The following ANOS1 variants were observed in gnomAD, a reference collection of about 807,000 sequenced individuals.
ANOS1 encodes the protein anosmin 1.
ANOS1 carries 6 observed loss-of-function variants against 59.0 expected under a neutral mutation model. The ratio of observed to expected loss-of-function variants is 0.10; its 90% confidence interval spans 0.06 to 0.20. The LOEUF (loss-of-function observed/expected upper bound fraction) is 0.20. ANOS1 is among the 10% of genes least tolerant of loss of function. The pLI is 1.00. For synonymous variants in ANOS1, 217 were observed against 223.4 expected, an observed-to-expected ratio of 0.97 and a Z score of 0.25; for missense variants, 433 against 542.3, an observed-to-expected ratio of 0.80 and a Z score of 2.00.
chrX:8,594,509 GA>G (rs1259113578), intron 4 of ANOS1, among the ~76,000 whole-genome samples: 1 of 104,039 alleles, frequency 9.6e-6, no homozygotes, highest in African/African-American at 3.5e-5. Context: ...CTAAGATGAT[GA>G]AGGAGTTGCT....
chrX:8,679,207 C>T (rs1189343209), intron 2 of ANOS1, among the ~76,000 whole-genome samples: 3 of 111,313 alleles, frequency 2.7e-5, no homozygotes, highest in African/African-American at 9.8e-5. Flanking sequence ...ATCCTGCCAA[C>T]CTTCAGTTCA....
In ANOS1 at chrX:8,568,364, C is replaced by T. The variant is rs1298909919; in HGVS notation, c.1075G>A (p.Val359Met). The T allele has an allele frequency of 3.3e-6, 4 of 1,210,116 alleles. No homozygotes were observed. The highest frequency in any genetic ancestry group is 4.5e-6 in the Non-Finnish European group (4 of 894,213). ...RKTTDGFQNS[V>M]ILEKLQPDCD... Reference sequence around the variant, plus strand: ...TCTGGCTGGAGTTTCTCCAGGATCACAGAATTTTGAAACTAGAAATTAAGA... The same window carrying T: ...TCTGGCTGGAGTTTCTCCAGGATCATAGAATTTTGAAACTAGAAATTAAGA... The change falls in exon 8 of 14, where the codon GTG becomes ATG. Residue 359 changes from valine to methionine, a missense_variant. Transcript: ENST00000262648.
At position 8,594,658 on chromosome X, in the gene ANOS1, G is replaced by GTATATATATA. The variant is rs767812487; in HGVS notation, c.541+2366_541+2375dup. Among the ~76,000 whole-genome samples the GTATATATATA allele has an allele frequency of 7.7e-3, 259 of 33,448 alleles. 2 individuals are homozygous for GTATATATATA. The highest frequency in any genetic ancestry group is 0.024 in the East Asian group (14 of 586). 29.0% of individuals were successfully genotyped at this position (33,448 alleles called of 115,157 possible). A position where few individuals can be genotyped will look rare whatever the true frequency, so the allele number is the denominator to read the frequency against. ...AAAAAATCTACATATATATATATGT[G>GTATATATATA]TATATATATATATATATATATATAT... On this transcript the variant is annotated intron_variant, in intron 4 of 13. Transcript: ENST00000262648.
At chrX:8,592,887 A>G (rs1930646194) in intron 4 of ANOS1, among the ~76,000 whole-genome samples, 1 of 111,636 alleles carries the variant, frequency 9.0e-6, no homozygotes, top group Non-Finnish European at 1.9e-5. Flanking sequence ...ATGAAGGTTA[A>G]CTTACTTCCA....
At chrX:8,590,332 T>C (rs1405449094) in intron 4 of ANOS1, among the ~76,000 whole-genome samples, 1 of 109,850 alleles carries the variant, frequency 9.1e-6, no homozygotes, top group Non-Finnish European at 1.9e-5. Flanking sequence ...TACCATGGCC[T>C]GTTTATGGTT....
Position 8,539,822 on chromosome X carries a change from G to A in ANOS1, c.1355-64C>T, listed in dbSNP as rs1299497456. 10 of 1,193,655 alleles carry A rather than the reference G, an allele frequency of 8.4e-6. No individual in the cohort carries two copies. In the East Asian group the frequency reaches 3.0e-4, roughly 36 times the overall value. ...GATGTTACATTCCAGGTAGCCTGGG[G>A]TTCTTGAACTTGAGAGGAGAAAAGG... On this transcript the variant is annotated intron_variant, in intron 9 of 13. Transcript: ENST00000262648.
chrX:8,671,125 A>C (rs1432061231), intron 2 of ANOS1, among the ~76,000 whole-genome samples: 1 of 111,505 alleles, frequency 9.0e-6, no homozygotes, highest in East Asian at 2.8e-4. Flanking sequence ...TCCCCTCCTT[A>C]CAGCCTCTCT....
intron 3 of ANOS1, among the ~76,000 whole-genome samples, chrX:8,604,751 A>G (rs928221330): frequency 3.6e-5 from 4 of 112,450 alleles, no homozygotes; most frequent in Non-Finnish European, 7.5e-5. Context: ...CTCTGTATGT[A>G]CAAAAGATAT....
intron 1 of ANOS1, among the ~76,000 whole-genome samples, chrX:8,708,436 C>T (rs1932792312): frequency 9.0e-6 from 1 of 111,487 alleles, no homozygotes; most frequent in Admixed American, 9.5e-5. Flanking sequence ...CAAACAACCC[C>T]ATCAAAAAGT....
At chrX:8,659,229 TA>T (rs57477012) in intron 2 of ANOS1, among the ~76,000 whole-genome samples, 11,847 of 95,239 alleles carry the variant, frequency 0.12, 927 homozygotes, top group African/African-American at 0.26. Flanking sequence ...TCTGTCTCAA[TA>T]AAAAAAAAAA....
chrX:8,554,542 G>GTTTTTTTTTTTTT (rs757605733), intron 8 of ANOS1, among the ~76,000 whole-genome samples: 5 of 50,834 alleles, frequency 9.8e-5, no homozygotes, highest in Admixed American at 6.4e-4. Context: ...GGCTACAGGA[G>GTTTTTTTTTTTTT]TTTTTTTTTT....
chrX:8,623,575 CA>C lies in ANOS1; in HGVS notation c.318+32del, dbSNP rs764549917. 9.1e-6 allele frequency: 10 copies of C among 1,103,292 alleles called. No individual in the cohort carries two copies. In the South Asian group the frequency reaches 1.7e-4, roughly 18 times the overall value. 90.9% of individuals were successfully genotyped at this position (1,103,292 alleles called of 1,213,427 possible). On this transcript the variant is annotated intron_variant, in intron 3 of 13. Transcript: ENST00000262648. ...CACGTAAGCATAGTCAGATTTGGGT[CA>C]AGTGTTTTAAGTACCACTGACGTTC...
intron 5 of ANOS1, among the ~76,000 whole-genome samples, chrX:8,587,536 A>G (rs1362379169): frequency 1.8e-5 from 2 of 111,977 alleles, no homozygotes; most frequent in African/African-American, 6.5e-5. Flanking sequence ...AATACATGTG[A>G]ATAATCAGGT....
At chrX:8,565,561 A>G (rs1414526201) in intron 8 of ANOS1, among the ~76,000 whole-genome samples, 1 of 112,510 alleles carries the variant, frequency 8.9e-6, no homozygotes, top group Non-Finnish European at 1.9e-5. Context: ...TTAGGAGACT[A>G]TTTCAATTTA....
chrX:8,711,826 A>G (rs1055472049), intron 1 of ANOS1, among the ~76,000 whole-genome samples: 4 of 112,934 alleles, frequency 3.5e-5, no homozygotes, highest in Non-Finnish European at 5.6e-5. Context: ...ATTAATTTCT[A>G]CATTGTATGG....
intron 2 of ANOS1, among the ~76,000 whole-genome samples, chrX:8,696,356 A>G (rs1259009073): frequency 8.9e-6 from 1 of 112,664 alleles, no homozygotes; most frequent in Non-Finnish European, 1.9e-5. Flanking sequence ...CATATTTAGA[A>G]GCAATGGAGC....
chrX:8,731,320 G>A (rs1185416669), intron 1 of ANOS1, among the ~76,000 whole-genome samples: 1 of 111,996 alleles, frequency 8.9e-6, no homozygotes, highest in Non-Finnish European at 1.9e-5. Flanking sequence ...CGAGCTCTGA[G>A]CCCTCAGAGA....
intron 3 of ANOS1, among the ~76,000 whole-genome samples, chrX:8,598,964 G>C (rs1197003204): frequency 9.0e-6 from 1 of 111,316 alleles, no homozygotes; most frequent in East Asian, 2.8e-4. Context: ...TGGTGCCCCC[G>C]TGTTCTTCTT....
chrX:8,614,130 T>C (rs1931117582), intron 3 of ANOS1, among the ~76,000 whole-genome samples: 1 of 111,650 alleles, frequency 9.0e-6, no homozygotes, highest in Non-Finnish European at 1.9e-5. Flanking sequence ...CATATTTACA[T>C]TTCCTTCACC....
Sources: allele counts gnomAD v4.1 joint callset (sites outside exome capture counted in the v4.1 genomes callset), GRCh38; gene constraint gnomAD v4.1.1; transcripts MANE v1.5; gene names NCBI Gene and HGNC (gene_info 2026-07-23, HGNC 2026-07-21).